The following JOSD1 variants were observed in gnomAD, a reference collection of about 807,000 sequenced individuals.
JOSD1 encodes the protein josephin-1.
A neutral mutation model predicts 24.3 loss-of-function variants in JOSD1; 11 were observed. The observed-to-expected ratio is 0.45, with a 90% CI of 0.29 to 0.75. The LOEUF (loss-of-function observed/expected upper bound fraction) is 0.75, where lower values mean the gene tolerates loss of function less well. Ranked by LOEUF, JOSD1 falls within the 30% of genes least tolerant of loss-of-function variation. JOSD1 has a pLI of 0.11. For synonymous variants in JOSD1, 106 were observed against 93.8 expected (o/e 1.13, Z -0.75); for missense variants, 184 against 253.5 (o/e 0.73, Z 1.86).
Position 38,700,285 on chromosome 22 carries a change from C to CCCCGGG in JOSD1, c.-299_-298insCCCGGG. On this transcript the variant is annotated 5_prime_UTR_variant, in exon 2 of 5. Coordinates refer to ENST00000683374, the MANE Select transcript of JOSD1 (RefSeq NM_001360236.2). ...GTAAGACCTTGTTTCCGTTTCCCCA[C>CCCCGGG]CCTTCCCTCCCACCCCCCTCCAAAA... 1 of 1,013,346 alleles carries CCCCGGG rather than the reference C, an allele frequency of 9.9e-7. No individual in the cohort carries two copies. Among genetic ancestry groups the CCCCGGG allele is most frequent in the Non-Finnish European group, 1.2e-6 (1 of 840,444 alleles). The allele number at this position is 1,013,346 out of a possible 1,614,324, so 62.8% of individuals were successfully genotyped here.
At position 38,700,080 on chromosome 22, in the gene JOSD1, G is replaced by T. The variant is rs564043028; in HGVS notation, c.-93C>A. ...GCTTCTCAGTCTTTTCCGGATTCCTGAGGTCCACCTTATTCTCTGGTGTCC... is the reference window on the plus strand; with the variant it reads ...GCTTCTCAGTCTTTTCCGGATTCCTTAGGTCCACCTTATTCTCTGGTGTCC... On this transcript the variant is annotated 5_prime_UTR_variant, in exon 2 of 5. Transcript: ENST00000683374. 1.3e-6 allele frequency: 2 copies of T among 1,496,278 alleles called. No homozygotes were observed. Among genetic ancestry groups the T allele is most frequent in the African/African-American group, 2.8e-5 (2 of 70,766 alleles). The allele number at this position is 1,496,278 out of a possible 1,614,324, so 92.7% of individuals were successfully genotyped here. A position where few individuals can be genotyped will look rare whatever the true frequency, so the allele number is the denominator to read the frequency against.
At chr22:38,700,997 G>A (rs1007953734), upstream of JOSD1, 4 of 984,420 alleles carry the variant, frequency 4.1e-6, no homozygotes, top group Non-Finnish European at 4.8e-6. Context: ...CCCGCCCGGC[G>A]CGTGCTCCGG....
At chr22:38,692,139 G>C (rs1387098113) in intron 2 of JOSD1, among the ~76,000 whole-genome samples, 9 of 152,130 alleles carry the variant, frequency 5.9e-5, no homozygotes, top group East Asian at 1.9e-4. Context: ...AAAAATCTCT[G>C]TGCCAAGCAC....
intron 2 of JOSD1, 143 bp from the exon 3 acceptor site, chr22:38,689,567 ACC>A: frequency 9.1e-7 from 1 of 1,096,944 alleles, no homozygotes; most frequent in Non-Finnish European, 1.3e-6. Context: ...CCCAGCTTCT[ACC>A]TAAGTATTTT....
chr22:38,694,084 G>A (rs894145227), intron 2 of JOSD1, among the ~76,000 whole-genome samples: 3 of 152,208 alleles, frequency 2.0e-5, no homozygotes, highest in Non-Finnish European at 4.4e-5. Flanking sequence ...TTGAATACAG[G>A]AAATATTGAG....
intron 1 of JOSD1, 46 bp from the exon 2 acceptor site, chr22:38,700,664 A>G (rs1473616448): frequency 3.1e-6 from 3 of 980,366 alleles, no homozygotes; most frequent in African/African-American, 3.5e-5. Flanking sequence ...CGGGCGCGGG[A>G]AGTGAGCGGC....
In JOSD1 at chr22:38,688,961, C is replaced by T; in HGVS notation, c.483G>A (p.Glu161=). The change falls in exon 4 of 5, where the codon GAG becomes GAA. Residue 161 remains glutamate, a synonymous_variant. Transcript: ENST00000683374. The part of the protein sequence containing the change: ...YNLDSKLKMP[E]WIGGESELRK... ...TGAGCTCGCTCTCGCCTCCAATCCACTCGGGCATCTTGAGTTTGGAGTCGA... is the reference window on the plus strand; with the variant it reads ...TGAGCTCGCTCTCGCCTCCAATCCATTCGGGCATCTTGAGTTTGGAGTCGA... The T allele has an allele frequency of 6.2e-7, 1 of 1,614,062 alleles. No homozygotes were observed. The highest frequency in any genetic ancestry group is 1.6e-4 in the Middle Eastern group (1 of 6,062).
At chr22:38,694,723 G>GT (rs1049211246) in intron 2 of JOSD1, among the ~76,000 whole-genome samples, 50 of 152,032 alleles carry the variant, frequency 3.3e-4, no homozygotes, top group African/African-American at 1.2e-3. Flanking sequence ...GTAGCCGGGC[G>GT]TGGTGGTGGG....
At position 38,685,676 on chromosome 22, in the gene JOSD1, C is replaced by T. The variant is rs528814758; in HGVS notation, c.*2226G>A. ...ACAAAATACATCTTTTGTAAACAAA[C>T]GCAGCACAAGGCCAACAACAAAAAG... On this transcript the variant is annotated 3_prime_UTR_variant, in exon 5 of 5. Coordinates refer to ENST00000683374, the MANE Select transcript of JOSD1 (RefSeq NM_001360236.2). 26 of 152,656 alleles carry T rather than the reference C, an allele frequency of 1.7e-4. No homozygotes were observed. Among genetic ancestry groups the T allele is most frequent in the Admixed American group, 7.8e-4 (12 of 15,292 alleles). The allele number at this position is 152,656 out of a possible 1,614,324, so 9.5% of individuals were successfully genotyped here. A position where few individuals can be genotyped will look rare whatever the true frequency, so the allele number is the denominator to read the frequency against.
chr22:38,686,262 A>G lies in JOSD1; in HGVS notation c.*1640T>C, dbSNP rs1359098558. On this transcript the variant is annotated 3_prime_UTR_variant, in exon 5 of 5. Coordinates refer to ENST00000683374, the MANE Select transcript of JOSD1 (RefSeq NM_001360236.2). ...GTTGGATTGAAGATACATGTGCAGA[A>G]AAAGTGCTGGTGTCAACATGCACTC... The G allele has an allele frequency of 2.0e-5, 3 of 152,584 alleles. No individual in the cohort carries two copies. The highest frequency in any genetic ancestry group is 7.2e-5 in the African/African-American group (3 of 41,440). The allele number at this position is 152,584 out of a possible 1,614,324, so 9.5% of individuals were successfully genotyped here. A position where few individuals can be genotyped will look rare whatever the true frequency, so the allele number is the denominator to read the frequency against.
chr22:38,700,615 G>T lies in JOSD1; in HGVS notation c.-628C>A. On this transcript the variant is annotated 5_prime_UTR_variant, in exon 2 of 5. Coordinates refer to ENST00000683374, the MANE Select transcript of JOSD1 (RefSeq NM_001360236.2). ...GCGCGGATTCTAGCCCTCTGGCCGC[G>T]GCCCTGCGGAGGAGGAGACAACTCC... 2.0e-6 allele frequency: 2 copies of T among 985,166 alleles called. No homozygotes were observed. Among genetic ancestry groups the T allele is most frequent in the African/African-American group, 1.7e-5 (1 of 57,340 alleles). The allele number at this position is 985,166 out of a possible 1,614,324, so 61.0% of individuals were successfully genotyped here.
Position 38,687,379 on chromosome 22 carries a change from G to C in JOSD1, c.*523C>G, listed in dbSNP as rs1360393631. On this transcript the variant is annotated 3_prime_UTR_variant, in exon 5 of 5. Coordinates refer to ENST00000683374, the MANE Select transcript of JOSD1 (RefSeq NM_001360236.2). ...AAACCACCCTTAAACCTGGGGATAAGGGTTGGAGACAGCATGCTGTACCGC... is the reference window on the plus strand; with the variant it reads ...AAACCACCCTTAAACCTGGGGATAACGGTTGGAGACAGCATGCTGTACCGC... The C allele has an allele frequency of 6.5e-6, 1 of 153,550 alleles. No homozygotes were observed. The highest frequency in any genetic ancestry group is 6.5e-5 in the Admixed American group (1 of 15,350). 9.5% of individuals were successfully genotyped at this position (153,550 alleles called of 1,614,324 possible). A position where few individuals can be genotyped will look rare whatever the true frequency, so the allele number is the denominator to read the frequency against.
At chr22:38,692,111 A>C (rs116767187) in intron 2 of JOSD1, among the ~76,000 whole-genome samples, 1 of 152,224 alleles carries the variant, frequency 6.6e-6, no homozygotes, top group African/African-American at 2.4e-5. Flanking sequence ...TACCTGTAAT[A>C]ATAACTATAA....
At position 38,700,809 on chromosome 22, in the gene JOSD1, C is replaced by A; in HGVS notation, c.-641G>T. The A allele has an allele frequency of 1.0e-6, 1 of 985,052 alleles. No individual in the cohort carries two copies. The highest frequency in any genetic ancestry group is 1.7e-5 in the African/African-American group (1 of 57,238). The allele number at this position is 985,052 out of a possible 1,614,324, so 61.0% of individuals were successfully genotyped here. Reference sequence around the variant, plus strand: ...CAGCCCCTACACAAACCTCCCCGCCCGTCACGTGAGCGCAGGCCCAGACGC... The same window carrying A: ...CAGCCCCTACACAAACCTCCCCGCCAGTCACGTGAGCGCAGGCCCAGACGC... On this transcript the variant is annotated 5_prime_UTR_variant, in exon 1 of 5. Coordinates refer to ENST00000683374, the MANE Select transcript of JOSD1 (RefSeq NM_001360236.2).
chr22:38,688,647 T>A (rs1233393177), intron 4 of JOSD1, among the ~76,000 whole-genome samples: 1 of 152,202 alleles, frequency 6.6e-6, no homozygotes. Context: ...AACTGGCAAC[T>A]ACACTGTCTC....
intron 4 of JOSD1, 111 bp from the exon 5 acceptor site, chr22:38,688,112 C>T (rs1357997872): frequency 1.4e-6 from 1 of 699,666 alleles, no homozygotes; most frequent in African/African-American, 1.8e-5. Flanking sequence ...CAAAACACAT[C>T]CCTGTAGTCA....
At position 38,685,582 on chromosome 22, in the gene JOSD1, T is replaced by C. The variant is rs907034924; in HGVS notation, c.*2320A>G. ...CGTCATACTAAAGTTTATTTTTCTTTACACAATTATAGAATTCAGGCAGAC... is the reference window on the plus strand; with the variant it reads ...CGTCATACTAAAGTTTATTTTTCTTCACACAATTATAGAATTCAGGCAGAC... On this transcript the variant is annotated 3_prime_UTR_variant, in exon 5 of 5. Transcript: ENST00000683374. 6.6e-6 allele frequency: 1 copy of C among 152,384 alleles called. No individual in the cohort carries two copies. Among genetic ancestry groups the C allele is most frequent in the African/African-American group, 2.4e-5 (1 of 41,462 alleles). 9.4% of individuals were successfully genotyped at this position (152,384 alleles called of 1,614,324 possible).
At position 38,689,422 on chromosome 22, in the gene JOSD1, A is replaced by G; in HGVS notation, c.188T>C (p.Leu63Ser). Residue 63 changes from leucine (L) to serine (S), a missense_variant and splice_region_variant, in exon 3 of 5, where the codon TTG becomes TCG. Leu to Ser is a moderately radical substitution (Grantham distance 145). Transcript: ENST00000683374. Reference sequence around the variant, plus strand: ...AGGTGTCACCATGGTGTTTGGAGACAACCTACCAATGTGAAAAGAGGAGGG... The same window carrying G: ...AGGTGTCACCATGGTGTTTGGAGACGACCTACCAATGTGAAAAGAGGAGGG... ...RDTLQEIFQR[L>S]SPNTMVTPHK... 1 of 1,614,188 alleles carries G rather than the reference A, an allele frequency of 6.2e-7. No individual in the cohort carries two copies. Among genetic ancestry groups the G allele is most frequent in the Non-Finnish European group, 8.5e-7 (1 of 1,180,018 alleles).
In JOSD1 at chr22:38,700,383, C is replaced by T. The variant is rs999084070; in HGVS notation, c.-396G>A. The stretch of plus-strand genomic sequence containing the variant: ...AGCAGGAGGACCGAACACAATCGGT[C>T]ACATCGCTCCTTTTCTTCCATTTCT... On this transcript the variant is annotated 5_prime_UTR_variant, in exon 2 of 5. An upstream open reading frame in the 5' UTR loses its in-frame stop. Coordinates refer to ENST00000683374, the MANE Select transcript of JOSD1 (RefSeq NM_001360236.2). The T allele has an allele frequency of 1.0e-6, 1 of 988,522 alleles. No homozygotes were observed. The highest frequency in any genetic ancestry group is 1.2e-6 in the Non-Finnish European group (1 of 833,262). 61.2% of individuals were successfully genotyped at this position (988,522 alleles called of 1,614,324 possible).
Sources: allele counts gnomAD v4.1 joint callset (sites outside exome capture counted in the v4.1 genomes callset), GRCh38; gene constraint gnomAD v4.1.1; transcripts MANE v1.5; gene names NCBI Gene and HGNC (gene_info 2026-07-23, HGNC 2026-07-21).